The following SLC25A42 variants were observed in gnomAD, a reference collection of about 807,000 sequenced individuals.
The protein encoded by SLC25A42 is solute carrier family 25 member 42, also known as mitochondrial coenzyme A transporter SLC25A42.
A neutral mutation model predicts 34.7 loss-of-function variants in SLC25A42; 19 were observed. The ratio of observed to expected loss-of-function variants is 0.55; its 90% CI spans 0.38 to 0.80. SLC25A42 has a LOEUF of 0.80. Ranked by LOEUF, SLC25A42 falls within the 30% of genes least tolerant of loss-of-function variation. The probability of loss-of-function intolerance (pLI) is 0.00; values close to 1 mark genes in which losing one functional copy is unlikely to be tolerated. For missense variants in SLC25A42, 364 were observed against 441.3 expected (o/e 0.82, Z 1.57); for synonymous variants, 205 against 191.2 (o/e 1.07, Z -0.59).
intron 1 of SLC25A42, among the ~76,000 whole-genome samples, chr19:19,089,096 C>A (rs185452630): frequency 6.6e-6 from 1 of 152,302 alleles, no homozygotes; most frequent in Non-Finnish European, 1.5e-5. Context: ...TGAGCCACTG[C>A]GCCTGGCCAG....
chr19:19,101,383 C>T (rs979617586), intron 2 of SLC25A42, among the ~76,000 whole-genome samples: 1 of 152,134 alleles, frequency 6.6e-6, no homozygotes, highest in Non-Finnish European at 1.5e-5. Context: ...CACTGCCAAC[C>T]CCCTGACCCC....
intron 1 of SLC25A42, among the ~76,000 whole-genome samples, chr19:19,074,942 G>A (rs1337188014): frequency 6.6e-6 from 1 of 152,030 alleles, no homozygotes; most frequent in African/African-American, 2.4e-5. Context: ...CTTGAGGCCA[G>A]GAGTTTGAGA....
chr19:19,105,610 G>C lies in SLC25A42; in HGVS notation c.263G>C (p.Ser88Thr), dbSNP rs745521216. 1.2e-6 allele frequency: 2 copies of C among 1,614,010 alleles called. No individual in the cohort carries two copies. The highest frequency in any genetic ancestry group is 1.7e-6 in the Non-Finnish European group (2 of 1,179,954). The change falls in exon 5 of 8, where the codon AGC becomes ACC. Residue 88 changes from serine to threonine, a missense_variant. Transcript: ENST00000318596. ...YYTYLNEGFLSLWRGNSATMV... is the reference protein window; with the variant it reads ...YYTYLNEGFLTLWRGNSATMV... ...ACCTACCTCAACGAGGGATTTCTCAGCTTGTGGCGCGGGAACTCGGCCACC... is the reference window on the plus strand; with the variant it reads ...ACCTACCTCAACGAGGGATTTCTCACCTTGTGGCGCGGGAACTCGGCCACC...
At chr19:19,065,350 G>C (rs1293276285) in intron 1 of SLC25A42, among the ~76,000 whole-genome samples, 1 of 152,152 alleles carries the variant, frequency 6.6e-6, no homozygotes, top group Non-Finnish European at 1.5e-5. Context: ...AAAGAGTAAG[G>C]AAACACTCTT....
chr19:19,072,992 C>T (rs1324858596), intron 1 of SLC25A42, among the ~76,000 whole-genome samples: 1 of 152,224 alleles, frequency 6.6e-6, no homozygotes, highest in Non-Finnish European at 1.5e-5. Context: ...GTGTGACCCA[C>T]TGTATGTGGC....
chr19:19,099,105 G>T (rs2059781247), intron 2 of SLC25A42, among the ~76,000 whole-genome samples: 1 of 152,162 alleles, frequency 6.6e-6, no homozygotes, highest in Non-Finnish European at 1.5e-5. Flanking sequence ...CCTGAAGCTG[G>T]TAAGGCCTTG....
rs368984134 is a variant in SLC25A42 at position 19,066,174 on chromosome 19, G to GA, written c.-35+2065dup. Among the ~76,000 whole-genome samples, 807 of 152,198 alleles carry GA rather than the reference G, an allele frequency of 5.3e-3. 12 individuals carry two copies. Among genetic ancestry groups the GA allele is most frequent in the African/African-American group, 0.018 (762 of 41,528 alleles). On this transcript the variant is annotated intron_variant, in intron 1 of 7. Coordinates refer to ENST00000318596, the MANE Select transcript of SLC25A42 (RefSeq NM_178526.5). ...ACCCGGCCTATTATATAGTTAAAAA[G>GA]AAAAAATCAAACAGTACAAAAGGTC...
chr19:19,105,530 G>A (rs1436491144), intron 4 of SLC25A42, 31 bp from the exon 5 acceptor site: 1 of 1,597,022 alleles, frequency 6.3e-7, no homozygotes, highest in Non-Finnish European at 8.6e-7. Context: ...GGCAGAGGCA[G>A]AGGGATGTTG....
chr19:19,067,285 A>G (rs547251887), intron 1 of SLC25A42, among the ~76,000 whole-genome samples: 15 of 152,290 alleles, frequency 9.8e-5, no homozygotes, highest in African/African-American at 3.6e-4. Flanking sequence ...CAGTCAGACT[A>G]AAGTTCAAGA....
At chr19:19,108,315 C>T (rs2059845108) in intron 7 of SLC25A42, among the ~76,000 whole-genome samples, 1 of 152,138 alleles carries the variant, frequency 6.6e-6, no homozygotes, top group Non-Finnish European at 1.5e-5. Context: ...CTTTGGGAGG[C>T]CGAGGTGGGC....
Position 19,083,563 on chromosome 19 carries a change from G to A in SLC25A42, c.-34-12528G>A, listed in dbSNP as rs536013438. On this transcript the variant is annotated intron_variant, in intron 1 of 7. Coordinates refer to ENST00000318596, the MANE Select transcript of SLC25A42 (RefSeq NM_178526.5). ...TCCTGCCCCTGCCCTGCCCAGCAGC[G>A]TCATTCAGCCTCTTCTGGGGCTCCT... is the stretch of plus-strand genomic sequence containing the variant. Among the ~76,000 whole-genome samples, 147 of 152,336 alleles carry A rather than the reference G, an allele frequency of 9.6e-4. 1 individual carries two copies. Among genetic ancestry groups the A allele is most frequent in the South Asian group, 7.2e-3 (35 of 4,828 alleles).
Position 19,111,095 on chromosome 19 carries a change from C to G in SLC25A42, c.*219C>G, listed in dbSNP as rs942861523. 3 of 585,024 alleles carry G rather than the reference C, an allele frequency of 5.1e-6. No individual in the cohort carries two copies. The African/African-American group carries it at 5.8e-5, about 11-fold the overall frequency. 36.2% of individuals were successfully genotyped at this position (585,024 alleles called of 1,614,324 possible). A position where few individuals can be genotyped will look rare whatever the true frequency, so the allele number is the denominator to read the frequency against. The stretch of plus-strand genomic sequence containing the variant: ...TGTTGGGGCGATGGTGTGGGGGGTC[C>G]CGCAGCTCCCCTCTTCCTTCCTCTG... On this transcript the variant is annotated 3_prime_UTR_variant, in exon 8 of 8. Coordinates refer to ENST00000318596, the MANE Select transcript of SLC25A42 (RefSeq NM_178526.5).
chr19:19,084,624 C>G (rs536927744), intron 1 of SLC25A42, among the ~76,000 whole-genome samples: 1 of 152,294 alleles, frequency 6.6e-6, no homozygotes, highest in Non-Finnish European at 1.5e-5. Context: ...CATCCCCATC[C>G]CATCAGACTG....
intron 5 of SLC25A42, 180 bp downstream of exon 5, chr19:19,105,907 G>C (rs983475762): frequency 3.3e-6 from 2 of 606,264 alleles, no homozygotes; most frequent in Non-Finnish European, 5.7e-6. Context: ...CCCTGACTCT[G>C]TCACATGCCC....
chr19:19,107,136 A>G (rs1450060126), intron 6 of SLC25A42, among the ~76,000 whole-genome samples: 2 of 150,444 alleles, frequency 1.3e-5, no homozygotes, highest in Non-Finnish European at 1.5e-5. Flanking sequence ...TGGGCAACAT[A>G]GCAAGACCCC....
intron 1 of SLC25A42, among the ~76,000 whole-genome samples, chr19:19,095,789 C>T (rs1312405032): frequency 6.6e-6 from 1 of 152,208 alleles, no homozygotes; most frequent in East Asian, 1.9e-4. Flanking sequence ...GCCACGCTGG[C>T]CCCACAACCC....
chr19:19,100,301 C>T (rs999354272), intron 2 of SLC25A42, among the ~76,000 whole-genome samples: 3 of 152,002 alleles, frequency 2.0e-5, no homozygotes, highest in African/African-American at 4.8e-5. Context: ...GAGATCACAC[C>T]ACTGTGTTCC....
At chr19:19,089,035 T>C (rs1321418550) in intron 1 of SLC25A42, among the ~76,000 whole-genome samples, 4 of 148,974 alleles carry the variant, frequency 2.7e-5, no homozygotes, top group Non-Finnish European at 5.9e-5. Context: ...CTTGAACTCC[T>C]GGCCTCAAGC....
intron 1 of SLC25A42, among the ~76,000 whole-genome samples, chr19:19,071,881 T>TA: frequency 6.6e-6 from 1 of 151,590 alleles, no homozygotes; most frequent in African/African-American, 2.4e-5. Context: ...AAAAAACAAC[T>TA]AAAAAAATAA....
Sources: gnomAD v4.1 joint callset for allele counts (sites outside exome capture counted in the v4.1 genomes callset) on GRCh38, gnomAD v4.1.1 for gene constraint, MANE v1.5 for transcripts, NCBI Gene and HGNC (gene_info 2026-07-23, HGNC 2026-07-21) for gene names.